The following KLF8 variants were observed in gnomAD, a reference collection of about 807,000 sequenced individuals.
KLF8 encodes the protein KLF transcription factor 8.
KLF8 carries 10 observed loss-of-function variants against 18.2 expected under a neutral mutation model. The ratio of observed to expected loss-of-function variants is 0.55; its 90% CI spans 0.34 to 0.93. The LOEUF (loss-of-function observed/expected upper bound fraction) is 0.93, where lower values mean the gene tolerates loss of function less well. KLF8 is among the 40% of genes least tolerant of loss of function. The pLI is 0.02. For missense variants in KLF8, 264 were observed against 277.9 expected (o/e 0.95, Z 0.36); for synonymous variants, 109 against 97.3 (o/e 1.12, Z -0.71).
the KLF8 span, among the ~76,000 whole-genome samples, chrX:55,955,963 T>G: frequency 9.0e-6 from 1 of 111,492 alleles, no homozygotes; most frequent in African/African-American, 3.3e-5. Context: ...ATATTGGAGC[T>G]CTATTTCTGC....
At chrX:55,921,824 A>T in the KLF8 span, among the ~76,000 whole-genome samples, 1 of 112,620 alleles carries the variant, frequency 8.9e-6, no homozygotes, top group Non-Finnish European at 1.9e-5. Flanking sequence ...GACACTTCTC[A>T]AAAGAAGACA....
chrX:56,095,071 G>C, the KLF8 span, among the ~76,000 whole-genome samples: 14 of 111,047 alleles, frequency 1.3e-4, no homozygotes, highest in East Asian at 5.6e-4. Context: ...AATGGACAAA[G>C]CTGGAGGTAT....
At position 56,258,511 on chromosome X, in the gene KLF8, G is replaced by A. The variant is rs182589112; in HGVS notation, c.82-6669G>A. On this transcript the variant is annotated intron_variant, in intron 2 of 5. Transcript: ENST00000468660. ...AGGATGGTCTTGATCTCCTGACCTC[G>A]TGATCTGCCAGCCTCGGCCTCCCAA... Among the ~76,000 whole-genome samples, 10 of 112,175 alleles carry A rather than the reference G, an allele frequency of 8.9e-5. No individual in the cohort carries two copies. The East Asian group carries it at 2.3e-3, about 25-fold the overall frequency.
chrX:56,215,635 C>A, the KLF8 span, among the ~76,000 whole-genome samples: 1 of 107,011 alleles, frequency 9.3e-6, no homozygotes, highest in Non-Finnish European at 1.9e-5. Flanking sequence ...CCAGCCTGGC[C>A]AACATGGTGA....
the KLF8 span, among the ~76,000 whole-genome samples, chrX:56,164,729 C>CTTTTTTTTTTTTTTTTTTTCT: frequency 1.9e-5 from 1 of 51,918 alleles, no homozygotes; most frequent in Admixed American, 2.5e-4. Context: ...CTTGTTATCT[C>CTTTTTTTTTTTTTTTTTTTCT]TTTTTTTTTT....
the KLF8 span, among the ~76,000 whole-genome samples, chrX:56,011,669 G>A: frequency 9.0e-6 from 1 of 111,144 alleles, no homozygotes; most frequent in Non-Finnish European, 1.9e-5. Flanking sequence ...AATGAATCCA[G>A]GAGCAGTTTC....
At chrX:56,156,203 T>C in the KLF8 span, among the ~76,000 whole-genome samples, 1 of 112,599 alleles carries the variant, frequency 8.9e-6, no homozygotes, top group Admixed American at 9.4e-5. Context: ...TTTGATGTTA[T>C]ATCAAAATTT....
rs1415089611 is a variant in KLF8 at position 56,261,571 on chromosome X, A to T, written c.82-3609A>T. Reference sequence around the variant, plus strand: ...GCCATCCTGAGTCATCTTAGTGAGGATTCTTAAAATCACCAAAATTCTAGG... The same window carrying T: ...GCCATCCTGAGTCATCTTAGTGAGGTTTCTTAAAATCACCAAAATTCTAGG... On this transcript the variant is annotated intron_variant, in intron 2 of 5. Transcript: ENST00000468660. Among the ~76,000 whole-genome samples, 3 of 111,275 alleles carry T rather than the reference A, an allele frequency of 2.7e-5. No homozygotes were observed. The Admixed American group carries it at 2.9e-4, about 11-fold the overall frequency.
chrX:56,039,352 T>A, the KLF8 span, among the ~76,000 whole-genome samples: 1 of 111,945 alleles, frequency 8.9e-6, no homozygotes, highest in Admixed American at 9.5e-5. Context: ...GGTTTTACAT[T>A]TAAGTCTTTA....
the KLF8 span, among the ~76,000 whole-genome samples, chrX:55,946,588 T>G: frequency 2.7e-5 from 3 of 111,850 alleles, no homozygotes; most frequent in Non-Finnish European, 5.6e-5. Flanking sequence ...AAGGACTTCA[T>G]GTTTGAAACA....
At chrX:56,152,874 C>T in the KLF8 span, among the ~76,000 whole-genome samples, 2 of 112,088 alleles carry the variant, frequency 1.8e-5, no homozygotes, top group Non-Finnish European at 3.8e-5. Context: ...CTTCATCACA[C>T]AGGAACAAGC....
At chrX:55,931,064 CTTG>C in the KLF8 span, among the ~76,000 whole-genome samples, 4 of 111,848 alleles carry the variant, frequency 3.6e-5, no homozygotes, top group African/African-American at 1.3e-4. Context: ...AATTTCAGAA[CTTG>C]TTGTTGGTCC....
chrX:56,174,307 C>G, the KLF8 span, among the ~76,000 whole-genome samples: 9 of 111,638 alleles, frequency 8.1e-5, no homozygotes, highest in Admixed American at 8.6e-4. Flanking sequence ...TAGCATGAAG[C>G]ATTGTTGAAT....
At chrX:56,105,118 G>A in the KLF8 span, among the ~76,000 whole-genome samples, 1 of 111,691 alleles carries the variant, frequency 9.0e-6, no homozygotes, top group African/African-American at 3.3e-5. Flanking sequence ...GTTTGCTGAG[G>A]AGTGCTTTAC....
At chrX:56,143,016 C>A in the KLF8 span, among the ~76,000 whole-genome samples, 3 of 111,835 alleles carry the variant, frequency 2.7e-5, no homozygotes, top group Non-Finnish European at 3.8e-5. Context: ...CTCTTTGTAA[C>A]CTTTTAATTG....
chrX:56,250,204 G>C, intron 1 of KLF8, 27 bp from the exon 2 acceptor site: 2 of 1,114,717 alleles, frequency 1.8e-6, no homozygotes, highest in Non-Finnish European at 1.2e-6. Context: ...TATTCTGAAA[G>C]TTGTCTTTTC....
chrX:55,976,678 T>G, the KLF8 span, among the ~76,000 whole-genome samples: 1 of 111,377 alleles, frequency 9.0e-6, no homozygotes, highest in African/African-American at 3.3e-5. Context: ...CTGTGAAAAG[T>G]GCCTTTGGAA....
At chrX:56,018,580 G>A in the KLF8 span, among the ~76,000 whole-genome samples, 1 of 109,709 alleles carries the variant, frequency 9.1e-6, no homozygotes, top group Non-Finnish European at 1.9e-5. Flanking sequence ...ACTCTCTGAG[G>A]GAAAAATACA....
At chrX:56,010,402 A>G in the KLF8 span, among the ~76,000 whole-genome samples, 2 of 112,199 alleles carry the variant, frequency 1.8e-5, no homozygotes, top group Non-Finnish European at 3.8e-5. Flanking sequence ...CTTTTCAGAC[A>G]AGCAAATGCT....
Sources: allele counts gnomAD v4.1 joint callset (sites outside exome capture counted in the v4.1 genomes callset), GRCh38; gene constraint gnomAD v4.1.1; transcripts MANE v1.5; gene names NCBI Gene and HGNC (gene_info 2026-07-23, HGNC 2026-07-21).